The following TTC3 variants were observed in gnomAD, a reference collection of about 807,000 sequenced individuals.
TTC3 encodes the protein E3 ubiquitin-protein ligase TTC3.
TTC3 carries 180 observed loss-of-function variants against 249.6 expected under a neutral mutation model. The observed-to-expected ratio is 0.72, with a 90% CI of 0.64 to 0.82. TTC3 has a LOEUF of 0.82. TTC3 is among the 40% of genes least tolerant of loss of function. The pLI, the probability that TTC3 is intolerant of heterozygous loss-of-function variation, is 0.00. For synonymous variants in TTC3, 717 were observed against 805.0 expected (o/e 0.89, Z 1.85); for missense variants, 2,061 against 2,398.4 (o/e 0.86, Z 2.94).
chr21:37,196,068 A>T, intron 42 of TTC3, 32 bp downstream of exon 42: 1 of 1,607,800 alleles, frequency 6.2e-7, no homozygotes, highest in Non-Finnish European at 8.5e-7. Flanking sequence ...GACTGTGTTT[A>T]ATACTTTATC....
chr21:37,133,898 T>C (rs2077692576), intron 17 of TTC3, among the ~76,000 whole-genome samples: 1 of 152,142 alleles, frequency 6.6e-6, no homozygotes, highest in Non-Finnish European at 1.5e-5. Flanking sequence ...TTTTGTTTTC[T>C]TTTTTAAGCC....
intron 16 of TTC3, among the ~76,000 whole-genome samples, chr21:37,130,707 A>G (rs2077400877): frequency 6.6e-6 from 1 of 152,184 alleles, no homozygotes. Flanking sequence ...ATTTTGTAAT[A>G]TGGCTGTATC....
chr21:37,093,072 G>A (rs575256385), intron 7 of TTC3, among the ~76,000 whole-genome samples: 1 of 152,136 alleles, frequency 6.6e-6, no homozygotes, highest in African/African-American at 2.4e-5. Flanking sequence ...TTTGAGCTTC[G>A]CTATGACATT....
chr21:37,085,443 G>C (rs531463985), intron 1 of TTC3, among the ~76,000 whole-genome samples: 2 of 152,314 alleles, frequency 1.3e-5, no homozygotes, highest in South Asian at 4.1e-4. Context: ...GGTCGAAGTG[G>C]AAACCAAATT....
At position 37,106,893 on chromosome 21, in the gene TTC3, C is replaced by CA. The variant is rs541908774; in HGVS notation, c.846-1491dup. On this transcript the variant is annotated intron_variant, in intron 10 of 45. Transcript: ENST00000355666. ...TGGGTGACAGAGTGAGCCCTTGTTT[C>CA]AAAAAAAAGAAAAAAGATCCATATG... is the stretch of plus-strand genomic sequence containing the variant. Among the ~76,000 whole-genome samples the CA allele has an allele frequency of 9.2e-4, 139 of 150,834 alleles. 1 individual carries two copies. Among genetic ancestry groups the CA allele is most frequent in the Admixed American group, 1.9e-3 (29 of 15,192 alleles).
At chr21:37,164,245 AT>A in intron 32 of TTC3, 30 bp downstream of exon 32, 1 of 1,522,022 alleles carries the variant, frequency 6.6e-7, no homozygotes, top group Middle Eastern at 1.8e-4. Flanking sequence ...TACAACCATT[AT>A]TTTATACTAA....
intron 18 of TTC3, 152 bp from the exon 19 acceptor site, chr21:37,138,482 G>T: frequency 3.6e-6 from 2 of 550,712 alleles, no homozygotes; most frequent in Non-Finnish European, 6.5e-6. Flanking sequence ...AATTTGATTT[G>T]GCCAATCATA....
intron 27 of TTC3, 146 bp downstream of exon 27, chr21:37,153,423 C>T: frequency 1.2e-6 from 1 of 809,094 alleles, no homozygotes; most frequent in South Asian, 2.7e-5. Context: ...TTTTCCAGTC[C>T]CAGCTACTTG....
At chr21:37,126,038 G>GT (rs775855666) in intron 14 of TTC3, 42 bp from the exon 15 acceptor site, 152 of 1,358,844 alleles carry the variant, frequency 1.1e-4, no homozygotes, top group African/African-American at 2.0e-4. Context: ...TCATGGCTGG[G>GT]TTGTTTTTTT....
chr21:37,145,383 A>C lies in TTC3; in HGVS notation c.1893+738A>C, dbSNP rs368515708. On this transcript the variant is annotated intron_variant, in intron 21 of 45. Transcript: ENST00000355666. ...TACAAATGGCCAAAATTAGCACATG[A>C]AAAGACATTCAGCATCATTAGCTAT... 8.6e-4 allele frequency among the ~76,000 whole-genome samples: 131 copies of C among 152,358 alleles called. 2 individuals carry two copies. The South Asian group carries it at 0.025, about 30-fold the overall frequency.
At chr21:37,197,210 G>A (rs528808468) in intron 42 of TTC3, among the ~76,000 whole-genome samples, 20 of 152,228 alleles carry the variant, frequency 1.3e-4, no homozygotes, top group South Asian at 1.2e-3. Flanking sequence ...ACGCCAGGCC[G>A]AGGCAGGTGG....
At chr21:37,188,348 C>T (rs539905372) in intron 38 of TTC3, 147 bp from the exon 39 acceptor site, 6 of 574,092 alleles carry the variant, frequency 1.0e-5, no homozygotes, top group African/African-American at 3.8e-5. Flanking sequence ...TTCATGTTCA[C>T]CTATGATACA....
chr21:37,076,720 T>TTTTTTA (rs2070924163), intron 1 of TTC3, among the ~76,000 whole-genome samples: 1 of 144,636 alleles, frequency 6.9e-6, no homozygotes, highest in African/African-American at 2.6e-5. Context: ...TTTTTTTTTT[T>TTTTTTA]GAGTGAAGTT....
intron 34 of TTC3, among the ~76,000 whole-genome samples, chr21:37,172,328 C>CTTA (rs1390651801): frequency 2.0e-5 from 3 of 152,062 alleles, no homozygotes; most frequent in Non-Finnish European, 2.9e-5. Context: ...GTATTGAACC[C>CTTA]TTCTAAAGCA....
At chr21:37,165,790 A>G in exon 33 of TTC3, 1 of 1,614,048 alleles carries the variant, frequency 6.2e-7, no homozygotes, top group Non-Finnish European at 8.5e-7. Flanking sequence ...CAAAAGTAGA[A>G]GAAATTTCAA....
At chr21:37,163,981 C>T (rs1406476591) in intron 31 of TTC3, 70 bp from the exon 32 acceptor site, 36 of 1,497,656 alleles carry the variant, frequency 2.4e-5, no homozygotes, top group Non-Finnish European at 2.9e-5. Flanking sequence ...ATTAGACATT[C>T]TTCTGGTTAA....
At chr21:37,202,838 CTGA>C (rs1206848163) in exon 46 of TTC3, 1 of 152,186 alleles carries the variant, frequency 6.6e-6, no homozygotes, top group African/African-American at 2.4e-5. Context: ...ACTGTGAGTT[CTGA>C]TGTCTTAGTG....
At chr21:37,190,814 A>G (rs1350563687) in intron 39 of TTC3, among the ~76,000 whole-genome samples, 1 of 152,150 alleles carries the variant, frequency 6.6e-6, no homozygotes, top group Non-Finnish European at 1.5e-5. Flanking sequence ...AGTGTTTTTG[A>G]TCTTCTCAAT....
rs1569025206 is a variant in TTC3, at chr21:37,138,725, T to C, written c.1659+11T>C. ...ATAGGACAGCCTGAGGTAAGATTTG[T>C]AACAGTGGTAATAAACAATTAAAAT... On this transcript the variant is annotated intron_variant, in intron 19 of 45. Coordinates refer to ENST00000355666, the Ensembl canonical transcript of TTC3. The C allele has an allele frequency of 6.4e-7, 1 of 1,572,020 alleles. No individual in the cohort carries two copies.
Sources: allele counts gnomAD v4.1 joint callset (sites outside exome capture counted in the v4.1 genomes callset), GRCh38; gene constraint gnomAD v4.1.1; transcripts MANE v1.5; gene names NCBI Gene and HGNC (gene_info 2026-07-23, HGNC 2026-07-21).